ATP11B: variants seen among roughly 807,000 people sequenced by gnomAD.
The protein encoded by ATP11B is ATPase phospholipid transporting 11B (putative), also known as phospholipid-transporting ATPase IF.
Under a neutral mutation model 157.8 loss-of-function variants are expected in ATP11B, and 81 were observed. The ratio of observed to expected loss-of-function variants is 0.51; its 90% CI spans 0.43 to 0.62. The LOEUF is 0.62. ATP11B is among the 20% of genes least tolerant of loss of function. The probability of loss-of-function intolerance (pLI) is 0.00; values close to 1 mark genes in which losing one functional copy is unlikely to be tolerated. For synonymous variants in ATP11B, 451 were observed against 469.4 expected (o/e 0.96, Z 0.51); for missense variants, 1,165 against 1,402.2 (o/e 0.83, Z 2.70).
chr3:182,807,827 GT>G (rs1023617444), intron 1 of ATP11B, among the ~76,000 whole-genome samples: 5 of 152,032 alleles, frequency 3.3e-5, no homozygotes, highest in African/African-American at 1.2e-4. Flanking sequence ...TAAAAATGAA[GT>G]TTTATTCAGG....
chr3:182,872,755 T>G (rs1034852278), intron 18 of ATP11B, among the ~76,000 whole-genome samples: 7 of 152,206 alleles, frequency 4.6e-5, no homozygotes, highest in African/African-American at 1.7e-4. Context: ...CTCTATAGTT[T>G]TTTCTTATAG....
chr3:182,880,538 ATTTC>A (rs1213173139), intron 20 of ATP11B, among the ~76,000 whole-genome samples: 3 of 152,170 alleles, frequency 2.0e-5, no homozygotes, highest in African/African-American at 7.2e-5. Context: ...TGAAAAAATA[ATTTC>A]TTAAGAAAAA....
At chr3:182,895,004 T>C (rs1160377370) in intron 25 of ATP11B, among the ~76,000 whole-genome samples, 2 of 150,774 alleles carry the variant, frequency 1.3e-5, no homozygotes, top group Admixed American at 6.6e-5. Context: ...CGTGTGCCTC[T>C]AGTCCCAGCT....
chr3:182,814,243 T>G (rs969901700), intron 1 of ATP11B, among the ~76,000 whole-genome samples: 1 of 151,990 alleles, frequency 6.6e-6, no homozygotes, highest in Non-Finnish European at 1.5e-5. Context: ...TTTTGTATTT[T>G]TAGTAAAGAT....
At chr3:182,905,770 C>T (rs1326143661) in intron 28 of ATP11B, 4 of 456,610 alleles carry the variant, frequency 8.8e-6, no homozygotes, top group Admixed American at 4.7e-5. Flanking sequence ...TAATATGAGA[C>T]TTGTTGCTTT....
intron 28 of ATP11B, chr3:182,902,408 GTGTC>G (rs2108584785): frequency 1.2e-6 from 1 of 845,926 alleles, no homozygotes; most frequent in East Asian, 6.7e-5. Context: ...AGCTTGTCCT[GTGTC>G]TGTCTCTTAG....
chr3:182,824,306 A>G (rs1175124907), intron 2 of ATP11B, among the ~76,000 whole-genome samples: 2 of 151,796 alleles, frequency 1.3e-5, no homozygotes, highest in Non-Finnish European at 2.9e-5. Flanking sequence ...CCAGCCCTGA[A>G]CTCTAATCTT....
intron 9 of ATP11B, among the ~76,000 whole-genome samples, chr3:182,845,882 A>G (rs1719478647): frequency 6.6e-6 from 1 of 152,214 alleles, no homozygotes; most frequent in Non-Finnish European, 1.5e-5. Context: ...ATTAGATTGG[A>G]TTAATAACTG....
chr3:182,891,300 T>A (rs1327961329), intron 25 of ATP11B, among the ~76,000 whole-genome samples: 2 of 152,214 alleles, frequency 1.3e-5, no homozygotes, highest in Non-Finnish European at 2.9e-5. Flanking sequence ...AGTCACTACT[T>A]TTTTTAATTT....
At chr3:182,875,870 G>A (rs1367861787) in intron 19 of ATP11B, among the ~76,000 whole-genome samples, 4 of 152,156 alleles carry the variant, frequency 2.6e-5, no homozygotes, top group Non-Finnish European at 2.9e-5. Flanking sequence ...CTATTTAAAC[G>A]TTTAAATACT....
intron 1 of ATP11B, among the ~76,000 whole-genome samples, chr3:182,799,206 G>A (rs1715819814): frequency 6.6e-6 from 1 of 152,070 alleles, no homozygotes; most frequent in African/African-American, 2.4e-5. Flanking sequence ...ACTGCTGTGG[G>A]GTTCTAGATT....
intron 21 of ATP11B, among the ~76,000 whole-genome samples, chr3:182,881,465 C>A (rs1285343807): frequency 6.6e-6 from 1 of 151,258 alleles, no homozygotes; most frequent in Non-Finnish European, 1.5e-5. Context: ...TTGCTTGAAC[C>A]CGGGAGACAG....
chr3:182,824,964 A>G (rs1458635280), intron 2 of ATP11B, among the ~76,000 whole-genome samples: 1 of 152,210 alleles, frequency 6.6e-6, no homozygotes, highest in Non-Finnish European at 1.5e-5. Flanking sequence ...CTTTGACCAT[A>G]ATTTCAAGAA....
chr3:182,885,643 A>G (rs1722748093), intron 22 of ATP11B, among the ~76,000 whole-genome samples: 1 of 152,140 alleles, frequency 6.6e-6, no homozygotes, highest in South Asian at 2.1e-4. Flanking sequence ...TACTTATTGT[A>G]CTATATATGA....
chr3:182,887,466 A>G, intron 23 of ATP11B, 120 bp from the exon 24 acceptor site: 1 of 713,292 alleles, frequency 1.4e-6, no homozygotes, highest in Non-Finnish European at 2.2e-6. Context: ...GAGTTACTAA[A>G]ATGGATTTCA....
At chr3:182,805,644 AATG>A (rs1212475081) in intron 1 of ATP11B, among the ~76,000 whole-genome samples, 1 of 144,186 alleles carries the variant, frequency 6.9e-6, no homozygotes, top group Non-Finnish European at 1.5e-5. Flanking sequence ...TTTTTTTAGT[AATG>A]ATGGGGTTTC....
intron 4 of ATP11B, among the ~76,000 whole-genome samples, chr3:182,834,973 A>ACATGTTTTT (rs1718435684): frequency 6.6e-6 from 1 of 152,188 alleles, no homozygotes; most frequent in African/African-American, 2.4e-5. Flanking sequence ...TCAGCTAGAG[A>ACATGTTTTT]AAAGAACATG....
intron 25 of ATP11B, among the ~76,000 whole-genome samples, chr3:182,894,818 G>C (rs1723420949): frequency 6.6e-6 from 1 of 152,008 alleles, no homozygotes; most frequent in East Asian, 1.9e-4. Flanking sequence ...GTCCCCGGTT[G>C]CATCAAAGTA....
chr3:182,795,557 G>T (rs1715549155), intron 1 of ATP11B, among the ~76,000 whole-genome samples: 1 of 152,166 alleles, frequency 6.6e-6, no homozygotes, highest in Non-Finnish European at 1.5e-5. Context: ...GTCTTAACAG[G>T]GATGGTTAAC....
Sources: gnomAD v4.1 joint callset for allele counts (sites outside exome capture counted in the v4.1 genomes callset) on GRCh38, gnomAD v4.1.1 for gene constraint, MANE v1.5 for transcripts, NCBI Gene and HGNC (gene_info 2026-07-23, HGNC 2026-07-21) for gene names.